MCF2L: variants seen among roughly 807,000 people sequenced by gnomAD.
MCF2L encodes the protein guanine nucleotide exchange factor DBS.
MCF2L carries 97 observed loss-of-function variants against 153.4 expected under a neutral mutation model. That is an observed-to-expected ratio of 0.63 (90% CI 0.54 to 0.75). The LOEUF is 0.75. Among genes scored for constraint, MCF2L ranks in the 30% least tolerant of loss-of-function variants. The probability of loss-of-function intolerance (pLI) is 0.00; values close to 1 mark genes in which losing one functional copy is unlikely to be tolerated. For synonymous variants in MCF2L, 659 were observed against 632.2 expected (o/e 1.04, Z -0.64); for missense variants, 1,347 against 1,495.2 (o/e 0.90, Z 1.64).
At chr13:113,023,734 A>T (rs2141277845) in intron 2 of MCF2L, among the ~76,000 whole-genome samples, 1 of 152,290 alleles carries the variant, frequency 6.6e-6, no homozygotes, top group East Asian at 1.9e-4. Context: ...CACTCCACGC[A>T]CGGGGCACTG....
At position 113,096,869 on chromosome 13, in the gene MCF2L, G is replaced by C. The variant is rs763678457; in HGVS notation, c.*10G>C. On this transcript the variant is annotated 3_prime_UTR_variant, in exon 30 of 30. Transcript: ENST00000535094. ...CGACCTGCAGGGGTAGCGCGGCCTCGGCGCCGGAGACCCGCGCGCTGTCTG... is the reference window on the plus strand; with the variant it reads ...CGACCTGCAGGGGTAGCGCGGCCTCCGCGCCGGAGACCCGCGCGCTGTCTG... The C allele has an allele frequency of 9.2e-6, 13 of 1,414,042 alleles. No individual in the cohort carries two copies. The South Asian group carries it at 2.0e-4, about 22-fold the overall frequency. 87.6% of individuals were successfully genotyped at this position (1,414,042 alleles called of 1,614,324 possible).
rs12429945 is a variant in MCF2L at position 113,094,558 on chromosome 13, G to C, written c.2998G>C (p.Gly1000Arg). The change falls in exon 27 of 30, where the codon GGG (glycine) becomes CGG (arginine). Residue 1000 changes from glycine (G) to arginine (R), a missense_variant. This residue lies in a region of MCF2L where 383 missense variants were observed against 335.4 expected (regional missense o/e 1.14). Transcript: ENST00000535094. Reference sequence around the variant, plus strand: ...CTCACTGGAGGCACCTGAGGACGACGGGGGCTGGTCAAGTGCAGAGGAGCA... The same window carrying C: ...CTCACTGGAGGCACCTGAGGACGACCGGGGCTGGTCAAGTGCAGAGGAGCA... ...SHSLEAPEDDGGWSSAEEQIN... is the reference protein window; with the variant it reads ...SHSLEAPEDDRGWSSAEEQIN... The C allele has an allele frequency of 1.9e-6, 3 of 1,612,312 alleles. No individual in the cohort carries two copies. Among genetic ancestry groups the C allele is most frequent in the Non-Finnish European group, 2.5e-6 (3 of 1,179,618 alleles).
chr13:113,075,499 T>C (rs1016960504), intron 11 of MCF2L, among the ~76,000 whole-genome samples: 1 of 152,026 alleles, frequency 6.6e-6, no homozygotes, highest in African/African-American at 2.4e-5. Context: ...CTAATTCTTG[T>C]ATTTTGTGTG....
intron 2 of MCF2L, chr13:112,917,074 C>T (rs1356760771): frequency 6.4e-6 from 3 of 471,156 alleles, no homozygotes; most frequent in Non-Finnish European, 1.3e-5. Flanking sequence ...GCTGTCGTTT[C>T]TCCTGTCTAA....
At chr13:112,950,797 G>A (rs1419248565) in intron 2 of MCF2L, among the ~76,000 whole-genome samples, 4 of 152,096 alleles carry the variant, frequency 2.6e-5, no homozygotes, top group Non-Finnish European at 4.4e-5. Flanking sequence ...AAATATAGTA[G>A]ACAACACTTA....
Position 113,097,229 on chromosome 13 carries a change from C to T in MCF2L, c.*370C>T, listed in dbSNP as rs1423384681. 1 of 206,626 alleles carries T rather than the reference C, an allele frequency of 4.8e-6. No individual in the cohort carries two copies. Among genetic ancestry groups the T allele is most frequent in the East Asian group, 1.1e-4 (1 of 9,114 alleles). The allele number at this position is 206,626 out of a possible 1,614,324, so 12.8% of individuals were successfully genotyped here. On this transcript the variant is annotated 3_prime_UTR_variant, in exon 30 of 30. Coordinates refer to ENST00000535094, the MANE Select transcript of MCF2L (RefSeq NM_001112732.3). ...GAGAAGTGGAGGATCCTCTGGCCAA[C>T]GGCCTGAGGAGAGCGGGGCACGGGG...
upstream of MCF2L, chr13:112,968,959 G>A: frequency 4.5e-6 from 2 of 447,994 alleles, no homozygotes; most frequent in Non-Finnish European, 7.7e-6. Context: ...AGGTGACCTA[G>A]TGACACAGGT....
intron 1 of MCF2L, among the ~76,000 whole-genome samples, chr13:112,977,890 A>G (rs1005844759): frequency 3.9e-5 from 6 of 152,222 alleles, no homozygotes; most frequent in Non-Finnish European, 1.5e-5. Flanking sequence ...CCTGGCCAAC[A>G]TGGTGAAACC....
chr13:113,028,836 GGTGA>G lies in MCF2L; in HGVS notation c.278+4082_278+4085del, dbSNP rs1001534677. On this transcript the variant is annotated intron_variant, in intron 3 of 29. Coordinates refer to ENST00000535094, the MANE Select transcript of MCF2L (RefSeq NM_001112732.3). The surrounding 1 kb of genome is among the most constrained non-coding windows in gnomAD (Gnocchi z 5.4). ...TAATGTGAGCCTGTGGTGTGTGTGG[GGTGA>G]GTGTGTGGTGTGTGTGGCGTGTGCG... is the stretch of plus-strand genomic sequence containing the variant. 1.3e-5 allele frequency among the ~76,000 whole-genome samples: 2 copies of G among 151,690 alleles called. No homozygotes were observed. The highest frequency in any genetic ancestry group is 6.6e-5 in the Admixed American group (1 of 15,230).
chr13:112,954,284 G>A (rs7320283), intron 2 of MCF2L, among the ~76,000 whole-genome samples: 56,832 of 151,926 alleles, frequency 0.37, 11,576 homozygotes, highest in South Asian at 0.48. Context: ...TTTCTCAGCT[G>A]AGCCTTCTCA....
Position 113,098,854 on chromosome 13 carries a change from G to A in MCF2L, c.*1995G>A, listed in dbSNP as rs754537911. ...TCCAGACCAGAAAAGGGAGCATAAA[G>A]AAAGGGTATTGATCCAATAGAAGAA... On this transcript the variant is annotated 3_prime_UTR_variant, in exon 30 of 30. Transcript: ENST00000535094. 1 of 152,338 alleles carries A rather than the reference G, an allele frequency of 6.6e-6. No individual in the cohort carries two copies. The highest frequency in any genetic ancestry group is 2.4e-5 in the African/African-American group (1 of 41,470). 9.4% of individuals were successfully genotyped at this position (152,338 alleles called of 1,614,324 possible).
intron 15 of MCF2L, among the ~76,000 whole-genome samples, chr13:113,080,745 C>G (rs777388727): frequency 6.6e-6 from 1 of 152,190 alleles, no homozygotes; most frequent in Non-Finnish European, 1.5e-5. Flanking sequence ...GCCCTGGCCA[C>G]GAGGGGCCAC....
In MCF2L at chr13:113,024,824, G is replaced by T. The variant is rs2085124351; in HGVS notation, c.278+66G>T. 1.2e-4 allele frequency: 159 copies of T among 1,296,432 alleles called. 4 individuals are homozygous for T. In the South Asian group the frequency reaches 1.9e-3, roughly 15 times the overall value. The allele number at this position is 1,296,432 out of a possible 1,614,324, so 80.3% of individuals were successfully genotyped here. On this transcript the variant is annotated intron_variant, in intron 3 of 29. Coordinates refer to ENST00000535094, the MANE Select transcript of MCF2L (RefSeq NM_001112732.3). Reference sequence around the variant, plus strand: ...CAGAGTCCCTGTGAGATTTCACCAGGGTGGGGTCCCTGCAACTATGGGATG... The same window carrying T: ...CAGAGTCCCTGTGAGATTTCACCAGTGTGGGGTCCCTGCAACTATGGGATG...
chr13:112,917,251 C>T (rs1430086249), intron 2 of MCF2L: 1 of 459,434 alleles, frequency 2.2e-6, no homozygotes, highest in African/African-American at 2.0e-5. Context: ...TCCTACAGGT[C>T]TCCCAGAGCC....
intron 15 of MCF2L, among the ~76,000 whole-genome samples, chr13:113,080,243 G>A (rs2033986941): frequency 6.6e-6 from 1 of 151,742 alleles, no homozygotes; most frequent in Non-Finnish European, 1.5e-5. Context: ...ATGGAGGAGG[G>A]TCCAGGCAGA....
chr13:113,014,654 C>A, intron 1 of MCF2L, 109 bp from the exon 2 acceptor site: 1 of 827,238 alleles, frequency 1.2e-6, no homozygotes, highest in Non-Finnish European at 2.0e-6. Flanking sequence ...CGTGACGCCA[C>A]TCCCGTAGGT....
Position 113,096,485 on chromosome 13 carries a change from T to G in MCF2L, c.3188+2T>G. ...GCAGGAGGGCGACGAGGGCCTCTGGTAAGACCCCGCGCTCAGCCCCGGACT... is the reference window on the plus strand; with the variant it reads ...GCAGGAGGGCGACGAGGGCCTCTGGGAAGACCCCGCGCTCAGCCCCGGACT... On this transcript the variant is annotated splice_donor_variant, in intron 28 of 29. Transcript: ENST00000535094. LOFTEE classifies it high-confidence loss of function. The G allele has an allele frequency of 6.3e-7, 1 of 1,585,938 alleles. No homozygotes were observed. The highest frequency in any genetic ancestry group is 8.6e-7 in the Non-Finnish European group (1 of 1,167,436).
Position 113,058,667 on chromosome 13 carries a change from G to A in MCF2L, c.370-1926G>A, listed in dbSNP as rs533072495. On this transcript the variant is annotated intron_variant, in intron 4 of 29. Coordinates refer to ENST00000535094, the MANE Select transcript of MCF2L (RefSeq NM_001112732.3). The stretch of plus-strand genomic sequence containing the variant: ...CTGAGTGTTTGGGCACTGAGTGGGC[G>A]CTGTGTGTTTGGGCGCTGAGTGGGC... 3.7e-3 allele frequency among the ~76,000 whole-genome samples: 563 copies of A among 150,228 alleles called. 13 individuals are homozygous for A. Among genetic ancestry groups the A allele is most frequent in the East Asian group, 1.4e-3 (7 of 4,950 alleles).
intron 2 of MCF2L, among the ~76,000 whole-genome samples, chr13:112,961,919 A>G (rs2081831678): frequency 6.6e-6 from 1 of 151,468 alleles, no homozygotes; most frequent in African/African-American, 2.4e-5. Context: ...TCTGCTCCTC[A>G]CTCACCCACC....
Sources: gnomAD v4.1 joint callset for allele counts (sites outside exome capture counted in the v4.1 genomes callset) on GRCh38, gnomAD v4.1.1 for gene constraint, gnomAD v4.1.1 regional missense constraint, Gnocchi (gnomAD v3.1) non-coding constraint, MANE v1.5 for transcripts, NCBI Gene and HGNC (gene_info 2026-07-23, HGNC 2026-07-21) for gene names.